The following CORO7 variants were observed in gnomAD, a reference collection of about 807,000 sequenced individuals.
CORO7 encodes coronin-7.
Under a neutral mutation model 126.6 loss-of-function variants are expected in CORO7, and 107 were observed. The ratio of observed to expected loss-of-function variants is 0.85; its 90% CI spans 0.72 to 0.99. The LOEUF is 0.99. Ranked by LOEUF, CORO7 falls within the 50% of genes least tolerant of loss-of-function variation. The pLI is 0.00. For synonymous variants in CORO7, 603 were observed against 536.8 expected (o/e 1.12, Z -1.70); for missense variants, 1,314 against 1,255.8 (o/e 1.05, Z -0.70).
chr16:4,381,771 C>T, intron 9 of CORO7: 2 of 1,601,594 alleles, frequency 1.2e-6, no homozygotes, highest in Non-Finnish European at 1.7e-6. Flanking sequence ...CTGCCCGCAA[C>T]CCCTTCAACT....
At chr16:4,407,932 G>C (rs577201414) in intron 4 of CORO7, among the ~76,000 whole-genome samples, 1 of 152,260 alleles carries the variant, frequency 6.6e-6, no homozygotes, top group South Asian at 2.1e-4. Flanking sequence ...TTGGGGAAGT[G>C]GCTCTACTGT....
intron 6 of CORO7, among the ~76,000 whole-genome samples, chr16:4,404,094 C>T (rs551140567): frequency 4.1e-4 from 62 of 152,310 alleles, no homozygotes; most frequent in Non-Finnish European, 6.8e-4. Flanking sequence ...CTGGGAGATG[C>T]GGCTTCCACA....
chr16:4,397,139 TA>T (rs2055625186), intron 6 of CORO7, among the ~76,000 whole-genome samples: 1 of 152,016 alleles, frequency 6.6e-6, no homozygotes, highest in Admixed American at 6.6e-5. Flanking sequence ...AAACCCGTCT[TA>T]AATTGAAAAT....
intron 25 of CORO7, 171 bp downstream of exon 25, chr16:4,357,797 A>G: frequency 2.4e-6 from 3 of 1,232,664 alleles, no homozygotes; most frequent in African/African-American, 3.0e-5. Context: ...GAAAACACAG[A>G]CCACGAGCCC....
At chr16:4,381,683 T>C (rs771511568) in intron 9 of CORO7, 1 of 1,607,696 alleles carries the variant, frequency 6.2e-7, no homozygotes, top group South Asian at 1.1e-5. Context: ...CTGCAGGAGC[T>C]GGATGTGAGC....
At chr16:4,404,293 C>T (rs929647628) in intron 6 of CORO7, among the ~76,000 whole-genome samples, 1 of 152,142 alleles carries the variant, frequency 6.6e-6, no homozygotes, top group African/African-American at 2.4e-5. Flanking sequence ...TGATGGGTGC[C>T]CTCATTCCCA....
intron 7 of CORO7, among the ~76,000 whole-genome samples, chr16:4,394,956 C>G (rs925746897): frequency 6.6e-6 from 1 of 152,248 alleles, no homozygotes; most frequent in Non-Finnish European, 1.5e-5. Context: ...TCCTCTGCAG[C>G]TGGTCTCTGC....
intron 3 of CORO7, among the ~76,000 whole-genome samples, chr16:4,409,341 T>C (rs367785601): frequency 3.3e-4 from 50 of 152,282 alleles, no homozygotes; most frequent in African/African-American, 1.2e-3. Context: ...CTGCCCTCAC[T>C]CTGGGGTGTG....
At chr16:4,400,870 C>A (rs949463224) in intron 6 of CORO7, among the ~76,000 whole-genome samples, 4 of 151,696 alleles carry the variant, frequency 2.6e-5, no homozygotes, top group African/African-American at 9.7e-5. Context: ...CAACGTACCA[C>A]ACTCACGCAG....
rs369854738 is a variant in CORO7 at position 4,381,456 on chromosome 16, C to T, written c.785+6530G>A. On this transcript the variant is annotated intron_variant, in intron 9 of 27. Coordinates refer to ENST00000251166, the MANE Select transcript of CORO7 (RefSeq NM_024535.5). ...AGCCCGGCATCCTGGACACTGCCAA[C>T]GTGGAGGCGCTGCGGCTGGCTGGTC... The T allele has an allele frequency of 6.7e-4, 1,061 of 1,579,604 alleles. 1 individual carries two copies. The highest frequency in any genetic ancestry group is 8.4e-4 in the Non-Finnish European group (977 of 1,164,560).
chr16:4,358,276 G>A (rs1043766542), intron 24 of CORO7, 91 bp downstream of exon 24: 4 of 1,546,018 alleles, frequency 2.6e-6, no homozygotes, highest in African/African-American at 1.4e-5. Flanking sequence ...AATGGGTAGG[G>A]AAGTTTGGAA....
intron 9 of CORO7, among the ~76,000 whole-genome samples, chr16:4,370,569 C>T (rs2054488935): frequency 6.6e-6 from 1 of 152,252 alleles, no homozygotes; most frequent in Non-Finnish European, 1.5e-5. Context: ...GTCCGCAAGC[C>T]ATGCCCTAAT....
At chr16:4,403,083 G>T (rs924741019) in intron 6 of CORO7, among the ~76,000 whole-genome samples, 2 of 152,052 alleles carry the variant, frequency 1.3e-5, no homozygotes, top group African/African-American at 4.8e-5. Flanking sequence ...TCCCCATCAG[G>T]CAGCCCGTGG....
intron 9 of CORO7, among the ~76,000 whole-genome samples, chr16:4,384,844 C>T (rs1026900917): frequency 6.6e-6 from 1 of 152,190 alleles, no homozygotes; most frequent in African/African-American, 2.4e-5. Flanking sequence ...GGCCTGCCTC[C>T]CCCGGCCCGT....
At position 4,359,368 on chromosome 16, in the gene CORO7, G is replaced by A. The variant is rs372039186; in HGVS notation, c.2268C>T (p.Phe756=). 5 of 1,613,440 alleles carry A rather than the reference G, an allele frequency of 3.1e-6. No homozygotes were observed. Among genetic ancestry groups the A allele is most frequent in the Non-Finnish European group, 3.4e-6 (4 of 1,179,962 alleles). The change falls in exon 23 of 28, where the codon TTC becomes TTT. Residue 756 remains phenylalanine, a synonymous_variant. Coordinates refer to ENST00000251166, the MANE Select transcript of CORO7 (RefSeq NM_024535.5). ...GGGACTCGGGGAGCAGCTCGTACAG[G>A]AATACACGGGTGTCGCCCTGCGGGG... ...LLTGKGDTRV[F]LYELLPESPF...
intron 5 of CORO7, among the ~76,000 whole-genome samples, chr16:4,407,222 A>G (rs2056032458): frequency 6.6e-6 from 1 of 151,974 alleles, no homozygotes; most frequent in Middle Eastern, 3.2e-3. Flanking sequence ...TGTTGGGATT[A>G]CAGGCATGAG....
intron 9 of CORO7, among the ~76,000 whole-genome samples, chr16:4,384,948 C>T (rs1240027328): frequency 7.0e-6 from 1 of 143,872 alleles, no homozygotes; most frequent in African/African-American, 2.6e-5. Context: ...CAAACCTGGC[C>T]GAGTGGGATG....
intron 9 of CORO7, among the ~76,000 whole-genome samples, chr16:4,365,762 C>A (rs1250412388): frequency 6.6e-6 from 1 of 152,144 alleles, no homozygotes; most frequent in Non-Finnish European, 1.5e-5. Flanking sequence ...AGGGCCTCCA[C>A]CTGCACACCT....
chr16:4,361,519 C>T (rs1388972088), intron 16 of CORO7, 50 bp from the exon 17 acceptor site: 8 of 1,594,398 alleles, frequency 5.0e-6, no homozygotes, highest in Admixed American at 1.8e-5. Flanking sequence ...GGCAGAAAAG[C>T]CAGTCCCCAG....
Sources: gnomAD v4.1 joint callset for allele counts (sites outside exome capture counted in the v4.1 genomes callset) on GRCh38, gnomAD v4.1.1 for gene constraint, MANE v1.5 for transcripts, NCBI Gene and HGNC (gene_info 2026-07-23, HGNC 2026-07-21) for gene names.